Variants in MTSS1 observed in about 807,000 individuals in gnomAD.
The protein encoded by MTSS1 is protein MTSS 1.
MTSS1 carries 18 observed loss-of-function variants against 79.0 expected under a neutral mutation model. The observed-to-expected ratio is 0.23, with a 90% CI of 0.16 to 0.34. The LOEUF is 0.34. MTSS1 is among the 10% of genes least tolerant of loss of function. The probability of loss-of-function intolerance (pLI) is 1.00; values close to 1 mark genes in which losing one functional copy is unlikely to be tolerated. For synonymous variants in MTSS1, 341 were observed against 368.6 expected, an observed-to-expected ratio of 0.93 and a Z score of 0.86; for missense variants, 815 against 986.2, an observed-to-expected ratio of 0.83 and a Z score of 2.33.
At chr8:124,688,158 G>A (rs991890814) in intron 3 of MTSS1, among the ~76,000 whole-genome samples, 2 of 152,140 alleles carry the variant, frequency 1.3e-5, no homozygotes, top group African/African-American at 4.8e-5. Flanking sequence ...GTATTTGTGT[G>A]TATGTGCGTA....
chr8:124,639,409 T>A (rs1817615979), intron 3 of MTSS1, among the ~76,000 whole-genome samples: 1 of 152,202 alleles, frequency 6.6e-6, no homozygotes, highest in Admixed American at 6.5e-5. Context: ...GTGGTTCCTA[T>A]AAAGTGCTAT....
intron 6 of MTSS1, chr8:124,568,738 A>G (rs1827106882): frequency 1.4e-6 from 2 of 1,481,378 alleles, no homozygotes; most frequent in East Asian, 4.9e-5. Context: ...CAAAGGGCAC[A>G]TTTAGCCTGG....
chr8:124,693,644 C>T (rs541556928), intron 3 of MTSS1, among the ~76,000 whole-genome samples: 49 of 152,180 alleles, frequency 3.2e-4, no homozygotes, highest in African/African-American at 1.1e-3. Flanking sequence ...CTAGAAGGTC[C>T]GGCGTCCACC....
rs747243821 is a variant in MTSS1, at chr8:124,572,743, C to CTTTTTTTT, written c.461-4215_461-4208dup. 4.9e-4 allele frequency among the ~76,000 whole-genome samples: 61 copies of CTTTTTTTT among 123,660 alleles called. 2 individuals carry two copies. The highest frequency in any genetic ancestry group is 2.6e-3 in the South Asian group (10 of 3,792). The allele number at this position is 123,660 out of a possible 152,430, so 81.1% of individuals were successfully genotyped here. A position where few individuals can be genotyped will look rare whatever the true frequency, so the allele number is the denominator to read the frequency against. On this transcript the variant is annotated intron_variant, in intron 6 of 13. Transcript: ENST00000518547. ...TGGGCTACTTTCTTTCTTTTCTTTT[C>CTTTTTTTT]TTTTTTTTTTTTTTTTTGAGACAGA...
chr8:124,568,907 G>T (rs1827153045), intron 6 of MTSS1: 5 of 1,364,652 alleles, frequency 3.7e-6, no homozygotes, highest in Non-Finnish European at 4.7e-6. Flanking sequence ...AAGAGATGTG[G>T]AAACAAGGTA....
Position 124,704,179 on chromosome 8 carries a change from C to T in MTSS1, c.85G>A (p.Val29Ile). 1 of 1,613,982 alleles carries T rather than the reference C, an allele frequency of 6.2e-7. No homozygotes were observed. Among genetic ancestry groups the T allele is most frequent in the Non-Finnish European group, 8.5e-7 (1 of 1,179,956 alleles). The part of the protein sequence containing the change: ...IISDMKGSYP[V>I]WEDFINKAGK... ...GCTTTGTTTATGAAATCTTCCCAAA[C>T]TGGATAGCTCCCCTGCAACACATCA... Residue 29 changes from valine to isoleucine, a missense_variant, in exon 2 of 14, where the codon GTT (valine) becomes ATT (isoleucine). Val to Ile is a conservative substitution (Grantham distance 29). Transcript: ENST00000518547.
intron 8 of MTSS1, among the ~76,000 whole-genome samples, chr8:124,566,441 C>T (rs1309083179): frequency 5.9e-5 from 9 of 152,094 alleles, no homozygotes; most frequent in Admixed American, 5.9e-4. Flanking sequence ...GCCAGCTCTC[C>T]AAGGAGACGA....
chr8:124,590,167 T>A (rs919596247), intron 4 of MTSS1, among the ~76,000 whole-genome samples: 1 of 152,242 alleles, frequency 6.6e-6, no homozygotes, highest in Non-Finnish European at 1.5e-5. Context: ...AAGAATGTTT[T>A]TCAATGACTA....
intron 1 of MTSS1, among the ~76,000 whole-genome samples, chr8:124,720,172 G>A (rs750939567): frequency 6.6e-6 from 1 of 152,232 alleles, no homozygotes; most frequent in Non-Finnish European, 1.5e-5. Context: ...GGCAGAGACA[G>A]GACAGGACAA....
chr8:124,588,369 T>C (rs76323552), intron 5 of MTSS1, among the ~76,000 whole-genome samples: 18,716 of 152,152 alleles, frequency 0.12, 1,221 homozygotes, highest in Middle Eastern at 0.16. Context: ...GTAGCCCCCA[T>C]AGCGCCTAGC....
chr8:124,697,258 A>G (rs1828985337), intron 3 of MTSS1, among the ~76,000 whole-genome samples: 1 of 151,966 alleles, frequency 6.6e-6, no homozygotes, highest in African/African-American at 2.4e-5. Context: ...CAGCTTAAAA[A>G]AAAAAAAAGA....
At chr8:124,678,208 G>C (rs571706882) in intron 3 of MTSS1, among the ~76,000 whole-genome samples, 1 of 152,256 alleles carries the variant, frequency 6.6e-6, no homozygotes, top group African/African-American at 2.4e-5. Flanking sequence ...TGGCAAGGAA[G>C]CTGGCATAGT....
At chr8:124,648,961 T>C (rs28640148) in intron 3 of MTSS1, among the ~76,000 whole-genome samples, 4 of 152,272 alleles carry the variant, frequency 2.6e-5, no homozygotes, top group Non-Finnish European at 5.9e-5. Flanking sequence ...CAAGTAGGAA[T>C]GGATCCAGAT....
At chr8:124,682,393 G>A (rs1826260434) in intron 3 of MTSS1, among the ~76,000 whole-genome samples, 1 of 152,180 alleles carries the variant, frequency 6.6e-6, no homozygotes, top group Non-Finnish European at 1.5e-5. Flanking sequence ...AACTAACACG[G>A]CTATCCCTTC....
chr8:124,627,583 G>A (rs955196429), intron 3 of MTSS1, among the ~76,000 whole-genome samples: 15 of 152,242 alleles, frequency 9.9e-5, no homozygotes, highest in Non-Finnish European at 4.4e-5. Context: ...ATATAAGACC[G>A]GGAAAGTAGA....
chr8:124,564,194 A>AAACAGAC (rs1167338761), intron 9 of MTSS1, among the ~76,000 whole-genome samples: 1 of 152,092 alleles, frequency 6.6e-6, no homozygotes, highest in African/African-American at 2.4e-5. Flanking sequence ...AAAAAGCAGA[A>AAACAGAC]AACAGACTCC....
intron 5 of MTSS1, among the ~76,000 whole-genome samples, chr8:124,588,111 G>T (rs149416352): frequency 6.6e-6 from 1 of 152,190 alleles, no homozygotes; most frequent in Non-Finnish European, 1.5e-5. Context: ...GAGGGGAGGG[G>T]TGAATAATTT....
chr8:124,670,039 G>C (rs1360417137), intron 3 of MTSS1, among the ~76,000 whole-genome samples: 1 of 152,206 alleles, frequency 6.6e-6, no homozygotes, highest in Non-Finnish European at 1.5e-5. Context: ...TGCCCTCATG[G>C]AGCCTACATG....
intron 6 of MTSS1, chr8:124,568,955 G>A: frequency 1.2e-6 from 1 of 829,968 alleles, no homozygotes. Context: ...GCACGGGCTG[G>A]CTTTGTTGGG....
Sources: gnomAD v4.1 joint callset for allele counts (sites outside exome capture counted in the v4.1 genomes callset) on GRCh38, gnomAD v4.1.1 for gene constraint, MANE v1.5 for transcripts, NCBI Gene and HGNC (gene_info 2026-07-23, HGNC 2026-07-21) for gene names.